Variants in IPO11 observed in about 807,000 individuals in gnomAD.
IPO11 encodes importin-11.
A neutral mutation model predicts 143.2 loss-of-function variants in IPO11; 66 were observed. The ratio of observed to expected loss-of-function variants is 0.46; its 90% CI spans 0.38 to 0.57. The LOEUF is 0.57. Ranked by LOEUF, IPO11 falls within the 20% of genes least tolerant of loss-of-function variation. IPO11 has a pLI of 0.00. For missense variants in IPO11, 1,026 were observed against 1,141.0 expected, an observed-to-expected ratio of 0.90 and a Z score of 1.45; for synonymous variants, 385 against 377.8, an observed-to-expected ratio of 1.02 and a Z score of -0.22.
chr5:62,463,014 TATATGA>T (rs1424329539), intron 5 of IPO11, among the ~76,000 whole-genome samples: 1 of 152,066 alleles, frequency 6.6e-6, no homozygotes, highest in African/African-American at 2.4e-5. Flanking sequence ...TACTTATATG[TATATGA>T]ATATATGTGT....
intron 27 of IPO11, among the ~76,000 whole-genome samples, chr5:62,570,255 A>G (rs760201413): frequency 5.3e-5 from 8 of 151,994 alleles, no homozygotes; most frequent in Non-Finnish European, 1.0e-4. Flanking sequence ...CATTTATAAA[A>G]CTTTTTTTTA....
At chr5:62,521,159 T>G (rs1742189116) in intron 20 of IPO11, among the ~76,000 whole-genome samples, 1 of 152,244 alleles carries the variant, frequency 6.6e-6, no homozygotes, top group Admixed American at 6.5e-5. Context: ...CTGCCTATCC[T>G]TTCTGTGGGA....
intron 12 of IPO11, 70 bp from the exon 13 acceptor site, chr5:62,487,701 C>T: frequency 7.7e-7 from 1 of 1,299,676 alleles, no homozygotes; most frequent in Admixed American, 3.0e-5. Flanking sequence ...TAAGTATTTG[C>T]TTTATTAAAG....
intron 1 of IPO11, among the ~76,000 whole-genome samples, chr5:62,432,604 T>C (rs1017487865): frequency 2.0e-5 from 3 of 152,238 alleles, no homozygotes; most frequent in African/African-American, 7.2e-5. Context: ...GATGTTTCTG[T>C]ATTTGCTGTA....
At chr5:62,611,615 G>T (rs1243638233) in intron 29 of IPO11, among the ~76,000 whole-genome samples, 1 of 152,098 alleles carries the variant, frequency 6.6e-6, no homozygotes, top group Non-Finnish European at 1.5e-5. Context: ...TTATTTACTT[G>T]AATTGTTACT....
chr5:62,452,522 C>G (rs1458046587), intron 5 of IPO11, among the ~76,000 whole-genome samples: 1 of 150,794 alleles, frequency 6.6e-6, no homozygotes, highest in African/African-American at 2.5e-5. Context: ...ATTAGGTGGG[C>G]ATAGAGTTGA....
chr5:62,525,342 C>T (rs1212599669), intron 20 of IPO11, among the ~76,000 whole-genome samples: 1 of 117,450 alleles, frequency 8.5e-6, no homozygotes, highest in Non-Finnish European at 1.7e-5. Context: ...AATTCTGTGT[C>T]AAATCCTCCC....
chr5:62,553,871 G>A (rs996430386), intron 26 of IPO11, among the ~76,000 whole-genome samples: 1 of 152,076 alleles, frequency 6.6e-6, no homozygotes, highest in African/African-American at 2.4e-5. Flanking sequence ...TCTCGCCTCA[G>A]CCTCCCAAGT....
In IPO11 at chr5:62,467,210, G is replaced by C. The variant is rs376400435; in HGVS notation, c.596G>C (p.Gly199Ala). The C allele has an allele frequency of 6.2e-7, 1 of 1,613,952 alleles. No homozygotes were observed. The highest frequency in any genetic ancestry group is 1.6e-4 in the Middle Eastern group (1 of 6,062). The change falls in exon 6 of 30, where the codon GGC (glycine) becomes GCC (alanine). Residue 199 changes from glycine (G) to alanine (A), a missense_variant. By Grantham distance (60) the Gly-to-Ala change is moderately conservative (BLOSUM62 0). This residue lies in a region of IPO11 where 429 missense variants were observed against 456.3 expected (regional missense o/e 0.94). Transcript: ENST00000325324. ...ACATTCCTGCAAGAAGTTTCTTCTGGCAATGAAGCTGCAATTTTGAGTTCA... is the reference window on the plus strand; with the variant it reads ...ACATTCCTGCAAGAAGTTTCTTCTGCCAATGAAGCTGCAATTTTGAGTTCA... Reference protein sequence around the residue: ...TDTFLQEVSSGNEAAILSSLE... With the variant: ...TDTFLQEVSSANEAAILSSLE...
intron 21 of IPO11, among the ~76,000 whole-genome samples, chr5:62,529,379 C>A (rs1254749813): frequency 3.3e-5 from 5 of 152,020 alleles, no homozygotes; most frequent in African/African-American, 4.8e-5. Context: ...TAAGAAAAAA[C>A]CTTTCTTTTA....
chr5:62,518,140 T>TAAA (rs34629573), intron 20 of IPO11, among the ~76,000 whole-genome samples: 3 of 120,292 alleles, frequency 2.5e-5, no homozygotes, highest in Non-Finnish European at 1.7e-5. Flanking sequence ...CCGTGCCTAC[T>TAAA]AAAAAAAAAA....
At chr5:62,441,968 C>T (rs540701298) in intron 2 of IPO11, among the ~76,000 whole-genome samples, 102 of 151,612 alleles carry the variant, frequency 6.7e-4, no homozygotes, top group African/African-American at 2.4e-3. Flanking sequence ...GCCTCAGCCT[C>T]CCGAGTAGCT....
At chr5:62,439,112 T>C (rs928187032) in intron 2 of IPO11, among the ~76,000 whole-genome samples, 17 of 151,832 alleles carry the variant, frequency 1.1e-4, no homozygotes, top group African/African-American at 3.4e-4. Flanking sequence ...TACGCTTATT[T>C]AAATGAATAT....
Position 62,579,866 on chromosome 5 carries a change from A to C in IPO11, c.2583-11711A>C, listed in dbSNP as rs775688028. 6 of 1,549,598 alleles carry C rather than the reference A, an allele frequency of 3.9e-6. No individual in the cohort carries two copies. The South Asian group carries it at 6.0e-5, about 15-fold the overall frequency. ...CGTAATTTATATTTACAGTATAATC[A>C]GGTATCTTTTGTTCCGAGAGGAGTA... On this transcript the variant is annotated intron_variant, in intron 27 of 29. Transcript: ENST00000325324.
intron 21 of IPO11, among the ~76,000 whole-genome samples, chr5:62,528,194 A>G (rs1742427885): frequency 1.3e-5 from 2 of 152,226 alleles, no homozygotes; most frequent in Non-Finnish European, 2.9e-5. Context: ...CTTATATAGT[A>G]GGAAAACCAA....
chr5:62,589,429 C>T (rs986837048), intron 27 of IPO11, among the ~76,000 whole-genome samples: 1 of 152,164 alleles, frequency 6.6e-6, no homozygotes, highest in Non-Finnish European at 1.5e-5. Flanking sequence ...AAGTCACCAA[C>T]CTAGTCAAGT....
At chr5:62,459,574 G>A (rs939093647) in intron 5 of IPO11, among the ~76,000 whole-genome samples, 2 of 150,164 alleles carry the variant, frequency 1.3e-5, no homozygotes, top group East Asian at 1.9e-4. Flanking sequence ...TTTTTGAGAC[G>A]GAGTCTTGCT....
chr5:62,580,357 TTAGA>T, intron 27 of IPO11: 1 of 1,545,556 alleles, frequency 6.5e-7, no homozygotes, highest in East Asian at 2.4e-5. Flanking sequence ...TTACCTTAAG[TTAGA>T]TAGAAACAGA....
At chr5:62,490,616 T>C (rs550727676) in intron 15 of IPO11, among the ~76,000 whole-genome samples, 1 of 152,270 alleles carries the variant, frequency 6.6e-6, no homozygotes, top group African/African-American at 2.4e-5. Flanking sequence ...TAGAGTAGGA[T>C]ATAGAGACAT....
Sources: gnomAD v4.1 joint callset for allele counts (sites outside exome capture counted in the v4.1 genomes callset) on GRCh38, gnomAD v4.1.1 for gene constraint, gnomAD v4.1.1 regional missense constraint, MANE v1.5 for transcripts, NCBI Gene and HGNC (gene_info 2026-07-23, HGNC 2026-07-21) for gene names.